The following FBXW8 variants were observed in gnomAD, a reference collection of about 807,000 sequenced individuals.
FBXW8 encodes the protein F-box and WD repeat domain containing 8.
Under a neutral mutation model 65.3 loss-of-function variants are expected in FBXW8, and 57 were observed. That is an observed-to-expected ratio of 0.87 (90% CI 0.71 to 1.09). The LOEUF is 1.09. FBXW8 is among the 50% of genes least tolerant of loss of function. FBXW8 has a pLI of 0.00. For missense variants in FBXW8, 777 were observed against 814.8 expected (o/e 0.95, Z 0.57); for synonymous variants, 308 against 330.2 (o/e 0.93, Z 0.73).
At chr12:116,999,927 T>C (rs571451970) in intron 7 of FBXW8, among the ~76,000 whole-genome samples, 6 of 152,254 alleles carry the variant, frequency 3.9e-5, no homozygotes, top group South Asian at 2.1e-4. Flanking sequence ...CTGCCTCTCA[T>C]TGAGCATCAG....
At chr12:116,940,240 C>T (rs1340186819) in intron 2 of FBXW8, among the ~76,000 whole-genome samples, 1 of 151,146 alleles carries the variant, frequency 6.6e-6, no homozygotes, top group African/African-American at 2.4e-5. Context: ...CTATCTTTAG[C>T]ACCATCCTGG....
Position 117,030,065 on chromosome 12 carries a change from G to C in FBXW8, c.*1893G>C. Reference sequence around the variant, plus strand: ...CCACACTCATTCCAGAGAAAACCGAGTCCTCTCAGTTGCACACGTGTACGT... The same window carrying C: ...CCACACTCATTCCAGAGAAAACCGACTCCTCTCAGTTGCACACGTGTACGT... On this transcript the variant is annotated 3_prime_UTR_variant, in exon 11 of 11. Coordinates refer to ENST00000652555, the MANE Select transcript of FBXW8 (RefSeq NM_153348.3). 6.6e-6 allele frequency: 1 copy of C among 152,194 alleles called. No homozygotes were observed. Among genetic ancestry groups the C allele is most frequent in the East Asian group, 1.9e-4 (1 of 5,196 alleles). The allele number at this position is 152,194 out of a possible 1,614,324, so 9.4% of individuals were successfully genotyped here. A position where few individuals can be genotyped will look rare whatever the true frequency, so the allele number is the denominator to read the frequency against.
In FBXW8 at chr12:116,966,919, A is replaced by C. The variant is rs537215703; in HGVS notation, c.835+2065A>C. Among the ~76,000 whole-genome samples the C allele has an allele frequency of 2.6e-5, 4 of 152,266 alleles. No individual in the cohort carries two copies. In the East Asian group the frequency reaches 7.7e-4, roughly 29 times the overall value. ...TTTTTACTAGAGACGGGGTTTCACC[A>C]TGTTGGCCAGGCTAAGAATCTGCTT... On this transcript the variant is annotated intron_variant, in intron 5 of 10. Coordinates refer to ENST00000652555, the MANE Select transcript of FBXW8 (RefSeq NM_153348.3).
intron 1 of FBXW8, among the ~76,000 whole-genome samples, chr12:116,921,711 G>A (rs1880913974): frequency 1.3e-5 from 2 of 151,626 alleles, no homozygotes; most frequent in African/African-American, 4.8e-5. Context: ...AAAATATCAT[G>A]TGCTCACTGT....
chr12:117,013,485 T>A (rs1196197954), intron 8 of FBXW8, among the ~76,000 whole-genome samples: 2 of 152,080 alleles, frequency 1.3e-5, no homozygotes, highest in Non-Finnish European at 2.9e-5. Context: ...GAGCAATGAG[T>A]AATGGTACGG....
chr12:116,978,054 T>C (rs1470927340), intron 5 of FBXW8: 3 of 152,252 alleles, frequency 2.0e-5, no homozygotes, highest in African/African-American at 7.2e-5. Flanking sequence ...TCAGATTCTT[T>C]TACTTGTCAA....
intron 7 of FBXW8, among the ~76,000 whole-genome samples, chr12:116,998,181 T>C (rs1032780023): frequency 6.6e-6 from 1 of 152,220 alleles, no homozygotes; most frequent in Non-Finnish European, 1.5e-5. Flanking sequence ...TTAGCTTCCA[T>C]GCAGAACTAA....
chr12:116,983,846 C>T (rs368077004), intron 5 of FBXW8, among the ~76,000 whole-genome samples: 1 of 152,298 alleles, frequency 6.6e-6, no homozygotes, highest in African/African-American at 2.4e-5. Context: ...TTCGTGTGGC[C>T]GGTCTCCTTT....
At chr12:116,913,690 G>A (rs1175901966) in intron 1 of FBXW8, among the ~76,000 whole-genome samples, 1 of 152,158 alleles carries the variant, frequency 6.6e-6, no homozygotes, top group Non-Finnish European at 1.5e-5. Context: ...AGGAGAGGCA[G>A]GCACATTCGA....
At chr12:116,982,795 T>C (rs1283070505) in intron 5 of FBXW8, among the ~76,000 whole-genome samples, 1 of 152,144 alleles carries the variant, frequency 6.6e-6, no homozygotes, top group African/African-American at 2.4e-5. Context: ...CATGTGTGCT[T>C]AGAGTGAGCT....
intron 7 of FBXW8, among the ~76,000 whole-genome samples, chr12:116,993,800 G>A (rs1055799036): frequency 3.3e-5 from 5 of 152,086 alleles, no homozygotes; most frequent in Non-Finnish European, 5.9e-5. Context: ...GATTTTAGAC[G>A]TAAATTATTT....
chr12:117,027,275 A>T (rs1954254186), intron 9 of FBXW8, 119 bp from the exon 10 acceptor site: 1 of 761,796 alleles, frequency 1.3e-6, no homozygotes, highest in Non-Finnish European at 2.2e-6. Context: ...CCCTCTGTGA[A>T]AGAGAAGCTT....
Position 117,028,274 on chromosome 12 carries a change from A to G in FBXW8, c.*102A>G. ...TCACAGGTGGTAAACATTTAGGGGAAGAAAGCAGCCCAGGGTGCCATGCCT... is the reference window on the plus strand; with the variant it reads ...TCACAGGTGGTAAACATTTAGGGGAGGAAAGCAGCCCAGGGTGCCATGCCT... On this transcript the variant is annotated 3_prime_UTR_variant, in exon 11 of 11. Coordinates refer to ENST00000652555, the MANE Select transcript of FBXW8 (RefSeq NM_153348.3). The surrounding 1 kb of genome is among the most constrained non-coding windows in gnomAD (Gnocchi z 4.1). The G allele has an allele frequency of 7.0e-7, 1 of 1,430,914 alleles. No homozygotes were observed. Among genetic ancestry groups the G allele is most frequent in the Non-Finnish European group, 9.5e-7 (1 of 1,054,950 alleles). The allele number at this position is 1,430,914 out of a possible 1,614,324, so 88.6% of individuals were successfully genotyped here. A position where few individuals can be genotyped will look rare whatever the true frequency, so the allele number is the denominator to read the frequency against.
At chr12:117,021,745 A>AT (rs151188000) in intron 8 of FBXW8, among the ~76,000 whole-genome samples, 5,047 of 151,888 alleles carry the variant, frequency 0.033, 278 homozygotes, top group African/African-American at 0.11. Context: ...CTTCTTTCCG[A>AT]TTTTTTTTAA....
At position 116,921,930 on chromosome 12, in the gene FBXW8, C is replaced by G. The variant is rs147231081; in HGVS notation, c.319-6093C>G. On this transcript the variant is annotated intron_variant, in intron 1 of 10. Transcript: ENST00000652555. ...GTAGCCTTGACCTCCCATACTCAAG[C>G]TATCCTCCCACCTCAGCCTCCTAAG... 9.3e-4 allele frequency among the ~76,000 whole-genome samples: 138 copies of G among 148,814 alleles called. 1 individual carries two copies. Among genetic ancestry groups the G allele is most frequent in the African/African-American group, 3.3e-3 (132 of 40,284 alleles).
intron 5 of FBXW8, among the ~76,000 whole-genome samples, chr12:116,979,897 G>GAAGT (rs893671972): frequency 1.3e-5 from 2 of 152,096 alleles, no homozygotes; most frequent in Admixed American, 1.3e-4. Context: ...GTGCAGGAGA[G>GAAGT]AAGTCGTAGA....
At position 117,029,462 on chromosome 12, in the gene FBXW8, G is replaced by C. The variant is rs1954310402; in HGVS notation, c.*1290G>C. 1 of 152,198 alleles carries C rather than the reference G, an allele frequency of 6.6e-6. No individual in the cohort carries two copies. Among genetic ancestry groups the C allele is most frequent in the Non-Finnish European group, 1.5e-5 (1 of 68,052 alleles). 9.4% of individuals were successfully genotyped at this position (152,198 alleles called of 1,614,324 possible). ...CACAGAATACAAAACCCAGGGGATG[G>C]GGCTGGGAGGGGCTGTGAGGGGCTG... On this transcript the variant is annotated 3_prime_UTR_variant, in exon 11 of 11. Coordinates refer to ENST00000652555, the MANE Select transcript of FBXW8 (RefSeq NM_153348.3).
chr12:117,003,776 A>T (rs1953602282), intron 7 of FBXW8, among the ~76,000 whole-genome samples: 1 of 152,182 alleles, frequency 6.6e-6, no homozygotes, highest in Non-Finnish European at 1.5e-5. Flanking sequence ...TTTGCCTTCC[A>T]CTGACACTAC....
intron 2 of FBXW8, among the ~76,000 whole-genome samples, chr12:116,938,884 A>ATAG (rs1882358406): frequency 6.6e-6 from 1 of 152,116 alleles, no homozygotes; most frequent in Non-Finnish European, 1.5e-5. Context: ...GCATTTCCCT[A>ATAG]TAGCTTCCTC....
Sources: allele counts gnomAD v4.1 joint callset (sites outside exome capture counted in the v4.1 genomes callset), GRCh38; gene constraint gnomAD v4.1.1; non-coding constraint Gnocchi (gnomAD v3.1); transcripts MANE v1.5; gene names NCBI Gene and HGNC (gene_info 2026-07-23, HGNC 2026-07-21).